The following MBD5 variants were observed in gnomAD, a reference collection of about 807,000 sequenced individuals.
MBD5 encodes the protein methyl-CpG-binding domain protein 5.
In MBD5, 13 loss-of-function variants were observed where a neutral mutation model predicts 117.3. The ratio of observed to expected loss-of-function variants is 0.11; its 90% CI spans 0.07 to 0.18. The LOEUF is 0.18. Ranked by LOEUF, MBD5 falls within the 10% of genes least tolerant of loss-of-function variation. MBD5 has a pLI of 1.00. For missense variants in MBD5, 1,879 were observed against 2,093.8 expected (o/e 0.90, Z 2.00); for synonymous variants, 727 against 766.4 (o/e 0.95, Z 0.85).
chr2:148,134,213 C>CAGATAGATAGATAGATAGAT (rs1308418845), intron 1 of MBD5, among the ~76,000 whole-genome samples: 1 of 130,200 alleles, frequency 7.7e-6, no homozygotes, highest in African/African-American at 2.8e-5. Context: ...AGATAGATGA[C>CAGATAGATAGATAGATAGAT]AGATAGATAG....
intron 3 of MBD5, among the ~76,000 whole-genome samples, chr2:148,261,593 T>G (rs1031676811): frequency 2.0e-5 from 3 of 152,244 alleles, no homozygotes; most frequent in Admixed American, 6.5e-5. Flanking sequence ...GCTGGTTTGA[T>G]CTTCTCCCAA....
At chr2:148,399,901 A>G (rs545546520) in intron 4 of MBD5, among the ~76,000 whole-genome samples, 1 of 152,258 alleles carries the variant, frequency 6.6e-6, no homozygotes, top group African/African-American at 2.4e-5. Context: ...TTCTGCATCT[A>G]TTGAGATAAT....
chr2:148,151,011 T>C (rs866302866), intron 1 of MBD5, among the ~76,000 whole-genome samples: 3,576 of 149,830 alleles, frequency 0.024, 62 homozygotes, highest in African/African-American at 0.061. Context: ...GGCATCCCTG[T>C]CTTGTGCCAG....
chr2:148,482,653 A>G (rs771800467), intron 8 of MBD5, among the ~76,000 whole-genome samples: 17 of 152,100 alleles, frequency 1.1e-4, no homozygotes, highest in Non-Finnish European at 1.9e-4. Flanking sequence ...GTTTCTTTTC[A>G]CTAAAAGGAA....
intron 4 of MBD5, among the ~76,000 whole-genome samples, chr2:148,364,994 G>T (rs1217950463): frequency 6.6e-6 from 1 of 152,190 alleles, no homozygotes; most frequent in Non-Finnish European, 1.5e-5. Context: ...AGACCTAATA[G>T]ACATTTACAG....
intron 2 of MBD5, among the ~76,000 whole-genome samples, chr2:148,223,914 G>A (rs557805767): frequency 6.6e-6 from 1 of 151,932 alleles, no homozygotes; most frequent in Admixed American, 6.6e-5. Context: ...GGTTTTGCTT[G>A]TTGTGTTTCC....
At chr2:148,477,422 C>T (rs1543255) in intron 8 of MBD5, among the ~76,000 whole-genome samples, 119,528 of 152,074 alleles carry the variant, frequency 0.79, 49,950 homozygotes, top group East Asian at 0.96. Flanking sequence ...CCTAAGATTT[C>T]GTTTCTATTG....
intron 11 of MBD5, among the ~76,000 whole-genome samples, chr2:148,501,631 A>G (rs1681874542): frequency 6.6e-6 from 1 of 152,092 alleles, no homozygotes; most frequent in African/African-American, 2.4e-5. Flanking sequence ...ACCATGATAG[A>G]GATTCTCAGG....
intron 1 of MBD5, among the ~76,000 whole-genome samples, chr2:148,128,490 CT>C (rs919167298): frequency 1.3e-5 from 2 of 152,118 alleles, no homozygotes; most frequent in Non-Finnish European, 2.9e-5. Flanking sequence ...TCTTAAGTTT[CT>C]TTGTGGGACT....
chr2:148,314,385 T>TTTG (rs1559018404), intron 3 of MBD5, among the ~76,000 whole-genome samples: 1 of 147,170 alleles, frequency 6.8e-6, no homozygotes, highest in Non-Finnish European at 1.5e-5. Flanking sequence ...GGTTTTTTTT[T>TTTG]TTTTTTTTTT....
At chr2:148,479,061 A>G (rs1473067247) in intron 8 of MBD5, among the ~76,000 whole-genome samples, 1 of 152,224 alleles carries the variant, frequency 6.6e-6, no homozygotes, top group Non-Finnish European at 1.5e-5. Flanking sequence ...ATTCAAGATT[A>G]AGTGGTTCAG....
intron 1 of MBD5, among the ~76,000 whole-genome samples, chr2:148,102,887 GT>G (rs1696268607): frequency 6.6e-6 from 1 of 151,988 alleles, no homozygotes; most frequent in Admixed American, 6.6e-5. Flanking sequence ...CAGATCAAAT[GT>G]TTTGTGGGGA....
chr2:148,217,591 C>A (rs1699587158), intron 2 of MBD5, among the ~76,000 whole-genome samples: 1 of 152,130 alleles, frequency 6.6e-6, no homozygotes, highest in Non-Finnish European at 1.5e-5. Context: ...GATGTCTTTT[C>A]CTCCTTTTGT....
intron 4 of MBD5, among the ~76,000 whole-genome samples, chr2:148,360,080 C>A (rs1469935442): frequency 6.6e-6 from 1 of 151,844 alleles, no homozygotes; most frequent in Non-Finnish European, 1.5e-5. Flanking sequence ...TTTCAGGTTT[C>A]AAATATCTGT....
At chr2:148,191,759 GA>G (rs1307112914) in intron 2 of MBD5, among the ~76,000 whole-genome samples, 1 of 85,506 alleles carries the variant, frequency 1.2e-5, no homozygotes, top group East Asian at 4.1e-4. Flanking sequence ...ACTAAAATCA[GA>G]GCAGAACTGA....
At chr2:148,479,005 A>T (rs544320595) in intron 8 of MBD5, among the ~76,000 whole-genome samples, 1 of 152,330 alleles carries the variant, frequency 6.6e-6, no homozygotes, top group Non-Finnish European at 1.5e-5. Context: ...AACAGACCAT[A>T]GGGTTTTTGT....
intron 4 of MBD5, among the ~76,000 whole-genome samples, chr2:148,416,504 G>A (rs1230771199): frequency 6.6e-6 from 1 of 152,184 alleles, no homozygotes; most frequent in Non-Finnish European, 1.5e-5. Context: ...GCACTGGTGG[G>A]GGTGGGGTTG....
chr2:148,257,623 G>A (rs1185850625), intron 3 of MBD5, among the ~76,000 whole-genome samples: 1 of 152,190 alleles, frequency 6.6e-6, no homozygotes, highest in Non-Finnish European at 1.5e-5. Flanking sequence ...ATCTGCAAGA[G>A]AATCAGAGGT....
chr2:148,324,952 T>A (rs1418831985), intron 3 of MBD5, among the ~76,000 whole-genome samples: 1 of 152,220 alleles, frequency 6.6e-6, no homozygotes, highest in African/African-American at 2.4e-5. Flanking sequence ...GCCCATTCAG[T>A]ATGATATTGG....
Sources: allele counts gnomAD v4.1 joint callset (sites outside exome capture counted in the v4.1 genomes callset), GRCh38; gene constraint gnomAD v4.1.1; transcripts MANE v1.5; gene names NCBI Gene and HGNC (gene_info 2026-07-23, HGNC 2026-07-21).